Variants in NOS2 observed in about 807,000 individuals in gnomAD.
NOS2 encodes the protein nitric oxide synthase, inducible.
A neutral mutation model predicts 136.0 loss-of-function variants in NOS2; 96 were observed. The ratio of observed to expected loss-of-function variants is 0.71; its 90% CI spans 0.60 to 0.84. NOS2 has a LOEUF of 0.84. Among genes scored for constraint, NOS2 ranks in the 40% least tolerant of loss-of-function variants. The pLI is 0.00. For missense variants in NOS2, 1,237 were observed against 1,496.9 expected (o/e 0.83, Z 2.87); for synonymous variants, 539 against 587.5 (o/e 0.92, Z 1.20).
chr17:27,776,821 CTT>C (rs1229496776), intron 11 of NOS2, among the ~76,000 whole-genome samples: 3 of 152,182 alleles, frequency 2.0e-5, no homozygotes, highest in Non-Finnish European at 4.4e-5. Flanking sequence ...TTACTTAACT[CTT>C]ATAATCCTCA....
At chr17:27,777,098 C>T (rs1414808473) in intron 11 of NOS2, among the ~76,000 whole-genome samples, 1 of 152,186 alleles carries the variant, frequency 6.6e-6, no homozygotes, top group Non-Finnish European at 1.5e-5. Flanking sequence ...CACCGGGGGG[C>T]TCTTCCTGTT....
chr17:27,767,765 T>A lies in NOS2; in HGVS notation c.2107A>T (p.Thr703Ser). The A allele has an allele frequency of 6.2e-7, 1 of 1,613,278 alleles. No homozygotes were observed. The highest frequency in any genetic ancestry group is 1.8e-4 in the Middle Eastern group (1 of 5,556). The change falls in exon 18 of 27, where the codon ACC becomes TCC. Residue 703 changes from threonine to serine, a missense_variant. Physicochemically the swap from Thr to Ser is moderately conservative, Grantham distance 58. Coordinates refer to ENST00000313735, the MANE Select transcript of NOS2 (RefSeq NM_000625.4). Reference sequence around the variant, plus strand: ...AGCCTGTAGTGGTGCGGGTCCCAGGTCACATTGGAGGTGTAGAGCTTGGGG... The same window carrying A: ...AGCCTGTAGTGGTGCGGGTCCCAGGACACATTGGAGGTGTAGAGCTTGGGG... ...QIPKLYTSNV[T>S]WDPHHYRLVQ...
At chr17:27,780,680 G>C (rs1050557485) in intron 9 of NOS2, 87 bp downstream of exon 9, 2 of 1,563,254 alleles carry the variant, frequency 1.3e-6, no homozygotes, top group Non-Finnish European at 8.8e-7. Context: ...TTTAGGGAAG[G>C]TATGGGGAAG....
intron 26 of NOS2, among the ~76,000 whole-genome samples, chr17:27,758,147 T>C (rs569512431): frequency 3.9e-4 from 59 of 152,358 alleles, no homozygotes; most frequent in Middle Eastern, 3.4e-3. Context: ...ATTCATTTAC[T>C]GCTCTATCCC....
intron 25 of NOS2, among the ~76,000 whole-genome samples, chr17:27,759,642 C>T (rs1262068284): frequency 3.9e-5 from 6 of 152,112 alleles, no homozygotes; most frequent in Non-Finnish European, 8.8e-5. Context: ...GGGGGTAACG[C>T]GGCCCTGGGG....
chr17:27,800,126 A>T (rs1909485301), intron 1 of NOS2, among the ~76,000 whole-genome samples: 1 of 152,222 alleles, frequency 6.6e-6, no homozygotes, highest in South Asian at 2.1e-4. Flanking sequence ...TTTCCTTGTC[A>T]TGTAACAACC....
intron 2 of NOS2, among the ~76,000 whole-genome samples, chr17:27,797,180 C>T (rs1389014446): frequency 6.6e-6 from 1 of 152,216 alleles, no homozygotes; most frequent in Non-Finnish European, 1.5e-5. Flanking sequence ...CACCTGTCTA[C>T]ATTCTACCCA....
intron 26 of NOS2, 106 bp from the exon 27 acceptor site, chr17:27,757,459 C>T: frequency 1.1e-6 from 1 of 870,340 alleles, no homozygotes; most frequent in Non-Finnish European, 1.8e-6. Context: ...ATCTGTCTTC[C>T]CAACTGTTAT....
At chr17:27,767,961 C>T (rs1597546881) in intron 17 of NOS2, 124 bp from the exon 18 acceptor site, 9 of 1,227,010 alleles carry the variant, frequency 7.3e-6, no homozygotes, top group Non-Finnish European at 1.0e-5. Flanking sequence ...CGTGTAACTT[C>T]GAAGCACACT....
At chr17:27,769,898 T>A (rs1289372404) in intron 15 of NOS2, among the ~76,000 whole-genome samples, 1 of 152,112 alleles carries the variant, frequency 6.6e-6, no homozygotes, top group Non-Finnish European at 1.5e-5. Context: ...CCAGAGGGGC[T>A]CCGAATGCGC....
chr17:27,787,163 A>G (rs8067880), intron 5 of NOS2, among the ~76,000 whole-genome samples: 1,750 of 152,306 alleles, frequency 0.011, 35 homozygotes, highest in African/African-American at 0.04. Flanking sequence ...GTATGTCACC[A>G]GCTTCCATGT....
chr17:27,793,083 G>A (rs1036731221), intron 2 of NOS2, among the ~76,000 whole-genome samples: 3 of 151,724 alleles, frequency 2.0e-5, no homozygotes, highest in Non-Finnish European at 2.9e-5. Flanking sequence ...GGTCACAGCT[G>A]CAGACTGTGG....
chr17:27,780,672 T>A, intron 9 of NOS2, 95 bp downstream of exon 9: 4 of 1,534,204 alleles, frequency 2.6e-6, no homozygotes, highest in Non-Finnish European at 3.6e-6. Flanking sequence ...GGCTGGGCTT[T>A]AGGGAAGGTA....
intron 6 of NOS2, among the ~76,000 whole-genome samples, chr17:27,782,361 G>A (rs1246572157): frequency 6.6e-6 from 1 of 152,102 alleles, no homozygotes; most frequent in Non-Finnish European, 1.5e-5. Context: ...CCACTCAGAA[G>A]ACCCCAGCAA....
At chr17:27,757,839 G>A (rs1907976879) in intron 26 of NOS2, among the ~76,000 whole-genome samples, 1 of 152,184 alleles carries the variant, frequency 6.6e-6, no homozygotes, top group Non-Finnish European at 1.5e-5. Flanking sequence ...GGAAATGCCT[G>A]TTATCTCCTC....
chr17:27,781,146 C>T lies in NOS2; in HGVS notation c.754G>A (p.Asp252Asn), dbSNP rs2142517308. The change falls in exon 8 of 27, where the codon GAT becomes AAT. Residue 252 changes from aspartate to asparagine, a missense_variant. Asp to Asn is a conservative substitution (Grantham distance 23). Around this residue, in one of 3 missense-constraint regions of NOS2, gnomAD observed 440 missense variants for 545.4 expected, o/e 0.81. Coordinates refer to ENST00000313735, the MANE Select transcript of NOS2 (RefSeq NM_000625.4). ...SAITVFPQRS[D>N]GKHDFRVWNA... ...CACACCCGGAAGTCGTGCTTGCCAT[C>T]ACTCCGCTGGGGGAACACGGTGATG... The T allele has an allele frequency of 6.2e-7, 1 of 1,611,254 alleles. No individual in the cohort carries two copies. Among genetic ancestry groups the T allele is most frequent in the Non-Finnish European group, 8.5e-7 (1 of 1,180,012 alleles).
intron 19 of NOS2, 143 bp downstream of exon 19, chr17:27,766,367 G>A (rs1908302957): frequency 2.7e-6 from 2 of 741,252 alleles, no homozygotes; most frequent in Non-Finnish European, 2.3e-6. Context: ...GTTACCAGGT[G>A]GGCCGGTCCT....
chr17:27,768,875 C>T, intron 17 of NOS2, 102 bp downstream of exon 17: 1 of 1,288,216 alleles, frequency 7.8e-7, no homozygotes. Context: ...TACAGGACCA[C>T]AGGCAGAGGT....
At chr17:27,777,651 C>A (rs1363306982) in intron 11 of NOS2, among the ~76,000 whole-genome samples, 2 of 152,190 alleles carry the variant, frequency 1.3e-5, no homozygotes, top group Non-Finnish European at 2.9e-5. Flanking sequence ...TTAGCATCTA[C>A]CATGTGCCAG....
Sources: gnomAD v4.1 joint callset for allele counts (sites outside exome capture counted in the v4.1 genomes callset) on GRCh38, gnomAD v4.1.1 for gene constraint, gnomAD v4.1.1 regional missense constraint, MANE v1.5 for transcripts, NCBI Gene and HGNC (gene_info 2026-07-23, HGNC 2026-07-21) for gene names.